Variants in MICAL2 observed in about 807,000 individuals in gnomAD.
The protein encoded by MICAL2 is [F-actin]-monooxygenase MICAL2.
MICAL2 carries 77 observed loss-of-function variants against 127.3 expected under a neutral mutation model. That is an observed-to-expected ratio of 0.60 (90% CI 0.50 to 0.73). The LOEUF is 0.73. MICAL2 is among the 30% of genes least tolerant of loss of function. The pLI, the probability that MICAL2 is intolerant of heterozygous loss-of-function variation, is 0.00. For missense variants in MICAL2, 1,351 were observed against 1,434.4 expected (o/e 0.94, Z 0.94); for synonymous variants, 570 against 551.1 (o/e 1.03, Z -0.48).
chr11:12,265,015 A>G (rs1027894477), downstream of MICAL2, among the ~76,000 whole-genome samples: 2 of 152,218 alleles, frequency 1.3e-5, no homozygotes, highest in African/African-American at 4.8e-5. Flanking sequence ...ACTATGTACT[A>G]GGAATACAGC....
chr11:12,185,204 G>A (rs1858065945), intron 3 of MICAL2, among the ~76,000 whole-genome samples: 1 of 144,494 alleles, frequency 6.9e-6, no homozygotes, highest in Admixed American at 6.9e-5. Context: ...TGGGGGGATG[G>A]GTGGGTGGCA....
At chr11:12,172,373 G>A (rs1181308576) in intron 3 of MICAL2, among the ~76,000 whole-genome samples, 1 of 152,194 alleles carries the variant, frequency 6.6e-6, no homozygotes, top group East Asian at 1.9e-4. Context: ...TTGGAGTGCA[G>A]GGTGTTCATC....
intron 21 of MICAL2, 134 bp downstream of exon 21, chr11:12,244,246 G>T (rs1860381511): frequency 1.6e-6 from 2 of 1,243,744 alleles, no homozygotes; most frequent in South Asian, 1.3e-5. Context: ...TTACACCAGT[G>T]CTGGATTCAA....
Position 12,162,080 on chromosome 11 carries a change from T to C in MICAL2, c.-76T>C. 1.3e-6 allele frequency: 2 copies of C among 1,587,918 alleles called. No individual in the cohort carries two copies. Among genetic ancestry groups the C allele is most frequent in the Non-Finnish European group, 1.7e-6 (2 of 1,164,838 alleles). Reference sequence around the variant, plus strand: ...CTCTGCCTCCCCCTACTTTCACAGGTGTGACGTTTCTCCAGATACTTCATG... The same window carrying C: ...CTCTGCCTCCCCCTACTTTCACAGGCGTGACGTTTCTCCAGATACTTCATG... On this transcript the variant is annotated splice_region_variant and 5_prime_UTR_variant, in exon 3 of 28. Transcript: ENST00000683283.
intron 32 of MICAL2, among the ~76,000 whole-genome samples, chr11:12,348,871 C>T (rs907574642): frequency 3.3e-5 from 5 of 152,148 alleles, no homozygotes; most frequent in Non-Finnish European, 5.9e-5. Context: ...GGCACATAGC[C>T]CATCAACTGG....
chr11:12,346,818 A>G (rs1938962674), intron 32 of MICAL2, among the ~76,000 whole-genome samples: 2 of 152,160 alleles, frequency 1.3e-5, no homozygotes, highest in East Asian at 1.9e-4. Flanking sequence ...TTGGCCCTCA[A>G]TGTTTATAAA....
In MICAL2 at chr11:12,145,348, G is replaced by A. The variant is rs76334170; in HGVS notation, c.-78+6888G>A. Reference sequence around the variant, plus strand: ...ACCCGATAAAGGCATCTTCTAGGCCGGGGCCTGGAAAGACAGATGATGTTT... The same window carrying A: ...ACCCGATAAAGGCATCTTCTAGGCCAGGGCCTGGAAAGACAGATGATGTTT... On this transcript the variant is annotated intron_variant, in intron 2 of 27. Coordinates refer to ENST00000683283, the MANE Select transcript of MICAL2 (RefSeq NM_001282663.2). Among the ~76,000 whole-genome samples, 1,286 of 152,244 alleles carry A rather than the reference G, an allele frequency of 8.4e-3. 22 individuals are homozygous for A. Among genetic ancestry groups the A allele is most frequent in the African/African-American group, 0.029 (1,207 of 41,554 alleles).
At chr11:12,126,935 A>T (rs1428284563) in intron 1 of MICAL2, among the ~76,000 whole-genome samples, 7 of 152,130 alleles carry the variant, frequency 4.6e-5, no homozygotes, top group African/African-American at 1.7e-4. Flanking sequence ...GGGTAGTTGC[A>T]GTGCAGATGG....
intron 13 of MICAL2, among the ~76,000 whole-genome samples, chr11:12,225,958 T>A (rs1381209007): frequency 2.0e-5 from 3 of 152,198 alleles, no homozygotes; most frequent in South Asian, 4.1e-4. Flanking sequence ...AGCAATAACG[T>A]CATCATGGCC....
chr11:12,218,927 C>T (rs150558972), intron 8 of MICAL2, among the ~76,000 whole-genome samples: 1 of 152,218 alleles, frequency 6.6e-6, no homozygotes, highest in Admixed American at 6.5e-5. Flanking sequence ...GCATGAATTA[C>T]AGGGGACAGG....
chr11:12,180,349 A>ATATATATTTTTTT (rs11403732), intron 3 of MICAL2, among the ~76,000 whole-genome samples: 1 of 139,682 alleles, frequency 7.2e-6, no homozygotes, highest in African/African-American at 2.7e-5. Flanking sequence ...ATATGTATAT[A>ATATATATTTTTTT]TTTTTTTTTT....
rs182655725 is a variant in MICAL2, at chr11:12,144,699, C to T, written c.-78+6239C>T. On this transcript the variant is annotated intron_variant, in intron 2 of 27. Coordinates refer to ENST00000683283, the MANE Select transcript of MICAL2 (RefSeq NM_001282663.2). ...AACCTCAATGCTCGTGCACCTAGTT[C>T]AGGGAGGTGAAATACAACCTGTCAG... Among the ~76,000 whole-genome samples, 284 of 152,336 alleles carry T rather than the reference C, an allele frequency of 1.9e-3. 3 individuals are homozygous for T. The highest frequency in any genetic ancestry group is 0.014 in the Middle Eastern group (4 of 294).
intron 2 of MICAL2, among the ~76,000 whole-genome samples, chr11:12,283,343 T>TAAAAA (rs56832587): frequency 7.5e-6 from 1 of 132,576 alleles, no homozygotes; most frequent in South Asian, 2.5e-4. Flanking sequence ...GTGTGGAGTT[T>TAAAAA]AAAAAAAAAA....
chr11:12,247,473 A>G (rs1315163727), intron 21 of MICAL2, among the ~76,000 whole-genome samples: 1 of 152,192 alleles, frequency 6.6e-6, no homozygotes, highest in East Asian at 1.9e-4. Context: ...GACCTCTTAG[A>G]ATGGACTCTT....
chr11:12,214,459 G>A (rs1855898838), intron 7 of MICAL2, among the ~76,000 whole-genome samples: 1 of 152,142 alleles, frequency 6.6e-6, no homozygotes, highest in South Asian at 2.1e-4. Context: ...CTCATTCAGT[G>A]TCACATTCCA....
At chr11:12,224,265 C>A (rs533692078) in intron 12 of MICAL2, among the ~76,000 whole-genome samples, 1 of 152,342 alleles carries the variant, frequency 6.6e-6, no homozygotes, top group Admixed American at 6.5e-5. Flanking sequence ...CCCCATTACA[C>A]TTTTCTTTGG....
chr11:12,355,556 A>G (rs1262712306), intron 34 of MICAL2, among the ~76,000 whole-genome samples: 2 of 152,250 alleles, frequency 1.3e-5, no homozygotes, highest in Non-Finnish European at 2.9e-5. Context: ...TAAAAGAACA[A>G]CTTAAAGAAT....
At chr11:12,293,940 T>C, downstream of MICAL2, 2 of 1,613,438 alleles carry the variant, frequency 1.2e-6, no homozygotes, top group Non-Finnish European at 1.7e-6. Flanking sequence ...GGAGGGCCAG[T>C]GCTGGTAAAG....
intron 22 of MICAL2, among the ~76,000 whole-genome samples, chr11:12,250,938 G>A (rs1403562445): frequency 6.6e-6 from 1 of 152,168 alleles, no homozygotes; most frequent in African/African-American, 2.4e-5. Context: ...CCACACCAGG[G>A]TGACTTATCT....
Sources: gnomAD v4.1 joint callset for allele counts (sites outside exome capture counted in the v4.1 genomes callset) on GRCh38, gnomAD v4.1.1 for gene constraint, MANE v1.5 for transcripts, NCBI Gene and HGNC (gene_info 2026-07-23, HGNC 2026-07-21) for gene names.